Variants in ZNF562 observed in about 807,000 individuals in gnomAD.
The protein encoded by ZNF562 is zinc finger protein 562.
A neutral mutation model predicts 17.5 loss-of-function variants in ZNF562; 13 were observed. That is an observed-to-expected ratio of 0.74 (90% confidence interval 0.48 to 1.18). The LOEUF (loss-of-function observed/expected upper bound fraction) is 1.18. Among genes scored for constraint, ZNF562 ranks in the 50% most tolerant of loss-of-function variants. ZNF562 has a pLI of 0.00. For missense variants in ZNF562, 481 were observed against 498.5 expected (o/e 0.96, Z 0.33); for synonymous variants, 163 against 165.4 (o/e 0.99, Z 0.11).
intron 4 of ZNF562, among the ~76,000 whole-genome samples, chr19:9,657,248 A>G (rs1355284666): frequency 6.6e-6 from 1 of 151,474 alleles, no homozygotes; most frequent in Non-Finnish European, 1.5e-5. Context: ...AAGAGCATAT[A>G]TCAAAATGAT....
chr19:9,656,445 G>C, intron 5 of ZNF562, 102 bp downstream of exon 5: 1 of 1,283,078 alleles, frequency 7.8e-7, no homozygotes, highest in South Asian at 1.2e-5. Flanking sequence ...GGAGTTGGAG[G>C]TTGCGGTGAG....
Position 9,642,040 on chromosome 19 carries a change from G to T in ZNF562, c.*10909C>A, listed in dbSNP as rs772993173. On this transcript the variant is annotated 3_prime_UTR_variant, in exon 6 of 6. Transcript: ENST00000453372. ...GCGGGGAGGGTGTATCATCACAAGG[G>T]TGGGGAGGAAGGTTACAAAGTACAT... is the stretch of plus-strand genomic sequence containing the variant. 4.0e-5 allele frequency: 6 copies of T among 151,250 alleles called. No homozygotes were observed. The highest frequency in any genetic ancestry group is 4.2e-4 in the South Asian group (2 of 4,794). The allele number at this position is 151,250 out of a possible 1,614,324, so 9.4% of individuals were successfully genotyped here.
rs2043708034 is a variant in ZNF562, at chr19:9,660,835, G to A, written c.-91C>T. 1.5e-6 allele frequency: 2 copies of A among 1,363,740 alleles called. No individual in the cohort carries two copies. The highest frequency in any genetic ancestry group is 1.4e-5 in the African/African-American group (1 of 69,388). The allele number at this position is 1,363,740 out of a possible 1,614,324, so 84.5% of individuals were successfully genotyped here. On this transcript the variant is annotated 5_prime_UTR_variant, in exon 2 of 6. Transcript: ENST00000453372. Reference sequence around the variant, plus strand: ...CAGCTTATGAATCTAGGTGGATACAGGCAATCTCCATTCCCCTTTGTACAG... The same window carrying A: ...CAGCTTATGAATCTAGGTGGATACAAGCAATCTCCATTCCCCTTTGTACAG...
At position 9,669,732 on chromosome 19, in the gene ZNF562, G is replaced by GCACACACA. The variant is rs1276865026; in HGVS notation, c.-131+5282_-131+5283insTGTGTGTG. 9.6e-3 allele frequency among the ~76,000 whole-genome samples: 734 copies of GCACACACA among 76,734 alleles called. 7 individuals carry two copies. Among genetic ancestry groups the GCACACACA allele is most frequent in the African/African-American group, 0.019 (470 of 24,958 alleles). 50.3% of individuals were successfully genotyped at this position (76,734 alleles called of 152,430 possible). ...CACGCGCGCGAGCGCGCGCGCGCGC[G>GCACACACA]CGCACACACACACACACACACACAC... On this transcript the variant is annotated intron_variant, in intron 1 of 5. Coordinates refer to ENST00000453372, the MANE Select transcript of ZNF562 (RefSeq NM_001130031.2).
intron 1 of ZNF562, among the ~76,000 whole-genome samples, chr19:9,666,156 C>T (rs1241902535): frequency 6.6e-6 from 1 of 151,874 alleles, no homozygotes; most frequent in Non-Finnish European, 1.5e-5. Context: ...GAAACACTGT[C>T]TCTACTAAAA....
At chr19:9,672,359 T>C (rs1166197912) in intron 1 of ZNF562, among the ~76,000 whole-genome samples, 3 of 152,176 alleles carry the variant, frequency 2.0e-5, no homozygotes, top group Non-Finnish European at 4.4e-5. Context: ...AGGAGGTGCA[T>C]TACAAAGTAT....
chr19:9,670,340 G>A (rs2044142850), intron 1 of ZNF562, among the ~76,000 whole-genome samples: 1 of 152,088 alleles, frequency 6.6e-6, no homozygotes, highest in African/African-American at 2.4e-5. Context: ...ATATCCAAAA[G>A]AAAGGAAATC....
intron 1 of ZNF562, 101 bp downstream of exon 1, chr19:9,674,914 G>A (rs1307480186): frequency 6.6e-6 from 1 of 152,378 alleles, no homozygotes; most frequent in Non-Finnish European, 1.5e-5. Flanking sequence ...AGAAAAGCGA[G>A]TGAAACTAGG....
chr19:9,671,186 C>T (rs1381564793), intron 1 of ZNF562, among the ~76,000 whole-genome samples: 1 of 152,090 alleles, frequency 6.6e-6, no homozygotes, highest in Non-Finnish European at 1.5e-5. Context: ...GACAGGTATG[C>T]TACTTACCCT....
At chr19:9,668,277 T>C (rs2044025569) in intron 1 of ZNF562, among the ~76,000 whole-genome samples, 1 of 151,956 alleles carries the variant, frequency 6.6e-6, no homozygotes, top group Non-Finnish European at 1.5e-5. Flanking sequence ...CAAAAGAGAC[T>C]GAGGCAGGAG....
chr19:9,653,014 C>A lies in ZNF562; in HGVS notation c.1216G>T (p.Gly406Trp). The A allele has an allele frequency of 1.3e-6, 2 of 1,548,026 alleles. No individual in the cohort carries two copies. Among genetic ancestry groups the A allele is most frequent in the Non-Finnish European group, 1.7e-6 (2 of 1,149,404 alleles). ...TGGGAAGAAGTAATGAAGGTCTTCC[C>A]ACATTCAACACATTCATAAGGCTTC... ...GEKPYECVEC[G>W]KTFITSSHRS... The change falls in exon 6 of 6, where the codon GGG becomes TGG. Residue 406 changes from glycine (G) to tryptophan (W), a missense_variant. Transcript: ENST00000453372.
Position 9,653,473 on chromosome 19 carries a change from C to T in ZNF562, c.757G>A (p.Val253Ile). 1.2e-6 allele frequency: 2 copies of T among 1,614,198 alleles called. No homozygotes were observed. Among genetic ancestry groups the T allele is most frequent in the Non-Finnish European group, 1.7e-6 (2 of 1,180,036 alleles). ...TSSHLKQCVA[V>I]HTGKKSEKTK... ...TTTTCGGATTTCTTTCCAGTATGAA[C>T]TGCTACACACTGCTTTAAGTGTGAG... The change falls in exon 6 of 6, where the codon GTT becomes ATT. Residue 253 changes from valine (V) to isoleucine (I), a missense_variant. Physicochemically the swap from Val to Ile is conservative, Grantham distance 29. Transcript: ENST00000453372.
intron 1 of ZNF562, among the ~76,000 whole-genome samples, chr19:9,666,223 T>G (rs1383434664): frequency 1.3e-5 from 2 of 150,286 alleles, no homozygotes; most frequent in Non-Finnish European, 2.9e-5. Flanking sequence ...CTCGGGAGGC[T>G]GAAGCAGGAG....
chr19:9,669,430 G>A (rs1344765535), intron 1 of ZNF562, among the ~76,000 whole-genome samples: 3 of 152,092 alleles, frequency 2.0e-5, no homozygotes, highest in Non-Finnish European at 4.4e-5. Context: ...ATTTAGAGTG[G>A]CTTTTATAAA....
Position 9,659,390 on chromosome 19 carries a change from T to C in ZNF562, c.103A>G (p.Asn35Asp), listed in dbSNP as rs759010276. The change falls in exon 3 of 6, where the codon AAT becomes GAT. Residue 35 changes from asparagine (N) to aspartate (D), a missense_variant. Around this residue, in one of 2 missense-constraint regions of ZNF562, gnomAD observed 403 missense variants for 386.4 expected, o/e 1.04. Transcript: ENST00000453372. ...CATTTTCTGTTTACCTGGTAAGAATTTGACCGGTGGTCCTCTACCATCGTT... is the reference window on the plus strand; with the variant it reads ...CATTTTCTGTTTACCTGGTAAGAATCTGACCGGTGGTCCTCTACCATCGTT... ...IGTMVEDHRS[N>D]SYQDSVTFDD... The C allele has an allele frequency of 1.2e-4, 179 of 1,551,250 alleles. No individual in the cohort carries two copies. Among genetic ancestry groups the C allele is most frequent in the Non-Finnish European group, 1.3e-4 (154 of 1,146,802 alleles).
chr19:9,666,664 T>C (rs1338895784), intron 1 of ZNF562, among the ~76,000 whole-genome samples: 1 of 150,194 alleles, frequency 6.7e-6, no homozygotes, highest in Non-Finnish European at 1.5e-5. Flanking sequence ...GGGAAAAAAA[T>C]GACCCAAATA....
At chr19:9,669,591 G>C (rs1416069051) in intron 1 of ZNF562, among the ~76,000 whole-genome samples, 2 of 152,138 alleles carry the variant, frequency 1.3e-5, no homozygotes, top group Admixed American at 6.5e-5. Flanking sequence ...TGAGGCTGCG[G>C]TGGGAGATCA....
In ZNF562 at chr19:9,657,048, A is replaced by G. The variant is rs562482856; in HGVS notation, c.242-395T>C. ...GAACGAGACTCCATCTCAAAAAAAA[A>G]AAAGAAAAAAGAAAACAAGAGAACC... On this transcript the variant is annotated intron_variant, in intron 4 of 5. Transcript: ENST00000453372. Among the ~76,000 whole-genome samples the G allele has an allele frequency of 1.8e-4, 27 of 150,222 alleles. No individual in the cohort carries two copies. In the South Asian group the frequency reaches 4.4e-3, roughly 24 times the overall value.
rs1374199647 is a variant in ZNF562, at chr19:9,672,971, CTT to C, written c.-131+2042_-131+2043del. On this transcript the variant is annotated intron_variant, in intron 1 of 5. Coordinates refer to ENST00000453372, the MANE Select transcript of ZNF562 (RefSeq NM_001130031.2). The stretch of plus-strand genomic sequence containing the variant: ...TTCAAAAGTTCAGCCTGTAAACTTC[CTT>C]GTTCTTTGTTCTCAAACTCAACTTT... Among the ~76,000 whole-genome samples, 3 of 151,860 alleles carry C rather than the reference CTT, an allele frequency of 2.0e-5. No individual in the cohort carries two copies. In the East Asian group the frequency reaches 5.8e-4, roughly 29 times the overall value.
Sources: gnomAD v4.1 joint callset for allele counts (sites outside exome capture counted in the v4.1 genomes callset) on GRCh38, gnomAD v4.1.1 for gene constraint, gnomAD v4.1.1 regional missense constraint, MANE v1.5 for transcripts, NCBI Gene and HGNC (gene_info 2026-07-23, HGNC 2026-07-21) for gene names.